RASEF: variants seen among roughly 807,000 people sequenced by gnomAD.
The protein encoded by RASEF is RAS and EF-hand domain containing, also known as ras and EF-hand domain-containing protein.
Under a neutral mutation model 90.1 loss-of-function variants are expected in RASEF, and 68 were observed. The ratio of observed to expected loss-of-function variants is 0.75; its 90% CI spans 0.62 to 0.92. The LOEUF (loss-of-function observed/expected upper bound fraction) is 0.92, where lower values mean the gene tolerates loss of function less well. RASEF is among the 40% of genes least tolerant of loss of function. The pLI, the probability that RASEF is intolerant of heterozygous loss-of-function variation, is 0.00. For missense variants in RASEF, 949 were observed against 937.2 expected (o/e 1.01, Z -0.16); for synonymous variants, 331 against 345.2 (o/e 0.96, Z 0.46).
At chr9:83,113,040 T>C in the RASEF span, among the ~76,000 whole-genome samples, 1 of 152,198 alleles carries the variant, frequency 6.6e-6, no homozygotes, top group African/African-American at 2.4e-5. Flanking sequence ...TCAACACACA[T>C]ATAAGAAATA....
rs1474148759 is a variant in RASEF at position 83,014,813 on chromosome 9, G to C, written c.765+992C>G. On this transcript the variant is annotated intron_variant, in intron 4 of 16. Transcript: ENST00000376447. ...ACATCAACTTGGTAGCATGAAATCA[G>C]TAATGACAGGAGTATTTATACCATG... Among the ~76,000 whole-genome samples, 4 of 152,222 alleles carry C rather than the reference G, an allele frequency of 2.6e-5. No homozygotes were observed. In the East Asian group the frequency reaches 7.7e-4, roughly 29 times the overall value.
At chr9:83,058,284 A>G (rs1379589112) in intron 1 of RASEF, among the ~76,000 whole-genome samples, 2 of 133,934 alleles carry the variant, frequency 1.5e-5, no homozygotes, top group Non-Finnish European at 3.0e-5. Flanking sequence ...CCGGGTTCAC[A>G]CCATTCTCCT....
intron 1 of RASEF, among the ~76,000 whole-genome samples, chr9:83,035,084 C>T (rs917916378): frequency 2.5e-4 from 38 of 152,024 alleles, no homozygotes; most frequent in African/African-American, 6.3e-4. Flanking sequence ...ATGTCTTACG[C>T]GTGGCAGTAC....
rs1451708662 is a variant in RASEF at position 82,982,579 on chromosome 9, A to T, written c.*98T>A. ...CCTGCACTGTAACTCTCCATAGGAC[A>T]GTGTCAGTAGGATGTGCCACTCTGT... On this transcript the variant is annotated 3_prime_UTR_variant, in exon 17 of 17. Transcript: ENST00000376447. 4.0e-6 allele frequency: 3 copies of T among 749,818 alleles called. No homozygotes were observed. Among genetic ancestry groups the T allele is most frequent in the South Asian group, 3.0e-5 (2 of 67,792 alleles). The allele number at this position is 749,818 out of a possible 1,614,324, so 46.4% of individuals were successfully genotyped here.
At chr9:83,011,978 A>C (rs903551391) in intron 5 of RASEF, among the ~76,000 whole-genome samples, 8 of 152,206 alleles carry the variant, frequency 5.3e-5, no homozygotes, top group Admixed American at 5.2e-4. Flanking sequence ...GAGTTAATCT[A>C]AAACCAAACT....
intron 6 of RASEF, among the ~76,000 whole-genome samples, chr9:83,008,313 G>A (rs551793463): frequency 2.6e-5 from 4 of 152,172 alleles, no homozygotes; most frequent in Non-Finnish European, 4.4e-5. Flanking sequence ...ACCAAAATTC[G>A]GGGGCCTTCT....
the RASEF span, among the ~76,000 whole-genome samples, chr9:83,217,947 T>A: frequency 6.6e-6 from 1 of 152,098 alleles, no homozygotes; most frequent in Non-Finnish European, 1.5e-5. Flanking sequence ...ATGCAAAAAC[T>A]CTGAGGCACT....
At chr9:83,105,859 G>A in the RASEF span, among the ~76,000 whole-genome samples, 2 of 152,168 alleles carry the variant, frequency 1.3e-5, no homozygotes, top group Admixed American at 6.5e-5. Flanking sequence ...CATCCCATGT[G>A]CCGGCTGCAG....
chr9:83,157,001 G>A, the RASEF span, among the ~76,000 whole-genome samples: 6 of 152,220 alleles, frequency 3.9e-5, no homozygotes, highest in African/African-American at 9.6e-5. Context: ...AGGACAGCAT[G>A]GAGGATACTT....
intron 1 of RASEF, among the ~76,000 whole-genome samples, chr9:83,058,782 A>G (rs1830149169): frequency 6.6e-6 from 1 of 152,304 alleles, no homozygotes; most frequent in Middle Eastern, 3.4e-3. Flanking sequence ...CGTTTTGCCA[A>G]TCTCTATACA....
chr9:83,022,787 G>A (rs1829467063), intron 2 of RASEF, among the ~76,000 whole-genome samples: 1 of 152,110 alleles, frequency 6.6e-6, no homozygotes, highest in African/African-American at 2.4e-5. Flanking sequence ...TTGCTCCTAG[G>A]CTGGAAACCT....
the RASEF span, among the ~76,000 whole-genome samples, chr9:83,088,252 GATATCTAT>G: frequency 6.6e-6 from 1 of 151,652 alleles, no homozygotes; most frequent in African/African-American, 2.4e-5. Context: ...TATCGATGTA[GATATCTAT>G]ATATCTCTAT....
intron 1 of RASEF, among the ~76,000 whole-genome samples, chr9:83,031,525 T>C (rs1196720547): frequency 6.6e-6 from 1 of 152,192 alleles, no homozygotes; most frequent in Non-Finnish European, 1.5e-5. Flanking sequence ...TACGTCCCTT[T>C]AGCAGAGCTA....
chr9:83,182,123 G>A, the RASEF span, among the ~76,000 whole-genome samples: 1 of 152,098 alleles, frequency 6.6e-6, no homozygotes, highest in African/African-American at 2.4e-5. Flanking sequence ...GTAACCATGC[G>A]GTAGCTCTAA....
At chr9:83,067,447 T>A (rs1457572124), upstream of RASEF, among the ~76,000 whole-genome samples, 2 of 152,186 alleles carry the variant, frequency 1.3e-5, no homozygotes, top group African/African-American at 4.8e-5. Flanking sequence ...ATAATAACAC[T>A]TATATACTGC....
At chr9:83,023,415 G>C (rs1174856484) in intron 2 of RASEF, among the ~76,000 whole-genome samples, 1 of 152,116 alleles carries the variant, frequency 6.6e-6, no homozygotes, top group Non-Finnish European at 1.5e-5. Flanking sequence ...TTAAATATAA[G>C]ATTTTCTGTC....
intron 16 of RASEF, among the ~76,000 whole-genome samples, chr9:82,989,919 T>C (rs1828778984): frequency 1.3e-5 from 2 of 152,228 alleles, no homozygotes; most frequent in Admixed American, 1.3e-4. Context: ...CTATTGTACA[T>C]CCAAAATGTT....
chr9:82,986,313 T>G (rs969798410), intron 16 of RASEF, among the ~76,000 whole-genome samples: 1 of 152,218 alleles, frequency 6.6e-6, no homozygotes, highest in African/African-American at 2.4e-5. Flanking sequence ...TCTCTCTTCT[T>G]GTAGATCCAA....
At chr9:83,060,095 C>T (rs75803382) in intron 1 of RASEF, among the ~76,000 whole-genome samples, 3,057 of 152,166 alleles carry the variant, frequency 0.02, 92 homozygotes, top group African/African-American at 0.07. Flanking sequence ...ATATCCGTTC[C>T]TCTCAAACTG....
Sources: gnomAD v4.1 joint callset for allele counts (sites outside exome capture counted in the v4.1 genomes callset) on GRCh38, gnomAD v4.1.1 for gene constraint, MANE v1.5 for transcripts, NCBI Gene and HGNC (gene_info 2026-07-23, HGNC 2026-07-21) for gene names.